The following EPHA6 variants were observed in gnomAD, a reference collection of about 807,000 sequenced individuals.
EPHA6 encodes the protein EPH receptor A6, also known as ephrin type-A receptor 6.
EPHA6 carries 50 observed loss-of-function variants against 112.0 expected under a neutral mutation model. The ratio of observed to expected loss-of-function variants is 0.45; its 90% CI spans 0.36 to 0.56. The LOEUF (loss-of-function observed/expected upper bound fraction) is 0.56. EPHA6 is among the 20% of genes least tolerant of loss of function. The pLI is 0.00. For synonymous variants in EPHA6, 529 were observed against 490.7 expected (o/e 1.08, Z -1.03); for missense variants, 1,280 against 1,417.4 (o/e 0.90, Z 1.56).
Position 97,516,219 on chromosome 3 carries a change from C to T in EPHA6, c.2201-16139C>T, listed in dbSNP as rs148820873. 1.8e-4 allele frequency among the ~76,000 whole-genome samples: 28 copies of T among 152,254 alleles called. No homozygotes were observed. In the East Asian group the frequency reaches 2.9e-3, roughly 16 times the overall value. On this transcript the variant is annotated intron_variant, in intron 10 of 17. Coordinates refer to ENST00000389672, the MANE Select transcript of EPHA6 (RefSeq NM_001080448.3). The stretch of plus-strand genomic sequence containing the variant: ...GATACTAAAGCAAGAAAAAGTAAAG[C>T]GACTTCCTCTAATGCCACAAAACAG...
chr3:97,386,459 A>T (rs920534087), intron 5 of EPHA6, among the ~76,000 whole-genome samples: 1 of 152,190 alleles, frequency 6.6e-6, no homozygotes, highest in Non-Finnish European at 1.5e-5. Flanking sequence ...GCAGTCATTA[A>T]ACCTCAAAGT....
chr3:97,638,028 T>C lies in EPHA6; in HGVS notation c.2730T>C (p.Asp910=). ...VNSNLVCKVS[D]FGLSRVLEDD... ...GCAACTTAGTATGCAAAGTTTCTGA[T>C]TTTGGTCTCTCCAGAGTGCTGGAAG... Residue 910 remains aspartate, a synonymous_variant, in exon 14 of 18, where the codon GAT becomes GAC. Transcript: ENST00000389672. 6.2e-7 allele frequency: 1 copy of C among 1,613,876 alleles called. No individual in the cohort carries two copies. The highest frequency in any genetic ancestry group is 8.5e-7 in the Non-Finnish European group (1 of 1,179,818).
At chr3:97,117,090 C>G (rs1299710896) in intron 3 of EPHA6, among the ~76,000 whole-genome samples, 1 of 151,486 alleles carries the variant, frequency 6.6e-6, no homozygotes, top group Non-Finnish European at 1.5e-5. Flanking sequence ...TGATGTTAAA[C>G]ATGTTTCATA....
chr3:97,641,768 A>T (rs1490025721), intron 14 of EPHA6, among the ~76,000 whole-genome samples: 3 of 152,190 alleles, frequency 2.0e-5, no homozygotes, highest in African/African-American at 7.2e-5. Context: ...ATTATATCCC[A>T]CACCTGGCTC....
chr3:97,714,141 A>G (rs554415199), intron 14 of EPHA6, among the ~76,000 whole-genome samples: 18 of 152,342 alleles, frequency 1.2e-4, no homozygotes, highest in Admixed American at 5.9e-4. Context: ...GTGATTCCAC[A>G]TGAAGGAATT....
At chr3:97,682,528 GC>G (rs1337902557) in intron 14 of EPHA6, among the ~76,000 whole-genome samples, 1 of 151,984 alleles carries the variant, frequency 6.6e-6, no homozygotes, top group African/African-American at 2.4e-5. Flanking sequence ...ATTTTACAAT[GC>G]TGAGCAAGTC....
intron 2 of EPHA6, among the ~76,000 whole-genome samples, chr3:96,925,417 C>G (rs916122017): frequency 3.3e-5 from 5 of 152,070 alleles, no homozygotes; most frequent in Non-Finnish European, 7.4e-5. Context: ...TCTAGATTTT[C>G]TAGTTTATTT....
At chr3:96,958,430 G>A (rs2041842931) in intron 2 of EPHA6, among the ~76,000 whole-genome samples, 1 of 152,082 alleles carries the variant, frequency 6.6e-6, no homozygotes, top group African/African-American at 2.4e-5. Flanking sequence ...TACCTCATAG[G>A]ATTTTTGTGA....
At position 96,995,733 on chromosome 3, in the gene EPHA6, A is replaced by G. The variant is rs973596811; in HGVS notation, c.1114+7740A>G. On this transcript the variant is annotated intron_variant, in intron 3 of 17. Coordinates refer to ENST00000389672, the MANE Select transcript of EPHA6 (RefSeq NM_001080448.3). ...ATAGCATTGTATCTAAAAACAATGTACATGCTTAATTTAAAAACACCTTAT... is the reference window on the plus strand; with the variant it reads ...ATAGCATTGTATCTAAAAACAATGTGCATGCTTAATTTAAAAACACCTTAT... Among the ~76,000 whole-genome samples the G allele has an allele frequency of 2.6e-5, 4 of 152,132 alleles. No homozygotes were observed. The East Asian group carries it at 7.7e-4, about 29-fold the overall frequency.
chr3:97,669,572 G>A (rs954198544), intron 14 of EPHA6, among the ~76,000 whole-genome samples: 4 of 150,750 alleles, frequency 2.7e-5, no homozygotes, highest in African/African-American at 9.8e-5. Context: ...GTCCAGCCTG[G>A]GCAACATAGT....
intron 6 of EPHA6, among the ~76,000 whole-genome samples, chr3:97,428,905 C>A (rs2089326845): frequency 6.6e-6 from 1 of 152,168 alleles, no homozygotes. Context: ...ACATTTTCTA[C>A]CCAATCCTCC....
intron 16 of EPHA6, among the ~76,000 whole-genome samples, chr3:97,744,787 T>A (rs2035642332): frequency 1.3e-5 from 2 of 151,996 alleles, no homozygotes; most frequent in East Asian, 3.9e-4. Flanking sequence ...TCCAGTGTTA[T>A]CTCAGGAGAA....
At chr3:96,936,386 A>G (rs2040582627) in intron 2 of EPHA6, among the ~76,000 whole-genome samples, 1 of 152,032 alleles carries the variant, frequency 6.6e-6, no homozygotes, top group Non-Finnish European at 1.5e-5. Flanking sequence ...TCTGCTTTAC[A>G]TAAACCTAAA....
chr3:96,952,290 C>G (rs1288075223), intron 2 of EPHA6, among the ~76,000 whole-genome samples: 2 of 152,110 alleles, frequency 1.3e-5, no homozygotes, highest in Non-Finnish European at 2.9e-5. Context: ...GTCTTGTTCC[C>G]ACTGAAACTC....
At chr3:96,921,880 C>A (rs2039782675) in intron 2 of EPHA6, among the ~76,000 whole-genome samples, 1 of 152,052 alleles carries the variant, frequency 6.6e-6, no homozygotes, top group Admixed American at 6.6e-5. Context: ...AAAAACCTAA[C>A]TTTTGATGCA....
At chr3:97,698,479 C>G (rs1459177232) in intron 14 of EPHA6, among the ~76,000 whole-genome samples, 1 of 151,786 alleles carries the variant, frequency 6.6e-6, no homozygotes, top group Non-Finnish European at 1.5e-5. Context: ...GGAAGTTTAC[C>G]TAAACTTGTC....
intron 11 of EPHA6, among the ~76,000 whole-genome samples, chr3:97,568,263 C>G (rs1207514855): frequency 6.6e-6 from 1 of 152,192 alleles, no homozygotes; most frequent in Admixed American, 6.5e-5. Flanking sequence ...TCATTTCTTT[C>G]CAGAATTACA....
At chr3:97,558,963 A>G (rs1229642564) in intron 11 of EPHA6, among the ~76,000 whole-genome samples, 1 of 152,050 alleles carries the variant, frequency 6.6e-6, no homozygotes, top group African/African-American at 2.4e-5. Flanking sequence ...AATTGCCAGT[A>G]AAGTAACCAA....
At chr3:96,999,655 G>A (rs1300883584) in intron 3 of EPHA6, among the ~76,000 whole-genome samples, 2 of 151,832 alleles carry the variant, frequency 1.3e-5, no homozygotes, top group African/African-American at 4.8e-5. Context: ...TAGACATTTG[G>A]TCATCTCTGC....
Sources: allele counts gnomAD v4.1 joint callset (sites outside exome capture counted in the v4.1 genomes callset), GRCh38; gene constraint gnomAD v4.1.1; transcripts MANE v1.5; gene names NCBI Gene and HGNC (gene_info 2026-07-23, HGNC 2026-07-21).